The following AGBL1 variants were observed in gnomAD, a reference collection of about 807,000 sequenced individuals.
AGBL1 encodes cytosolic carboxypeptidase 4.
A neutral mutation model predicts 118.9 loss-of-function variants in AGBL1; 130 were observed. The ratio of observed to expected loss-of-function variants is 1.09; its 90% CI spans 0.95 to 1.26. AGBL1 has a LOEUF of 1.26. AGBL1 is among the 50% of genes most tolerant of loss of function. The pLI is 0.00. For missense variants in AGBL1, 1,584 were observed against 1,298.1 expected, an observed-to-expected ratio of 1.22 and a Z score of -3.38; for synonymous variants, 555 against 478.9, an observed-to-expected ratio of 1.16 and a Z score of -2.08.
rs2080402754 is a variant in AGBL1 at position 86,915,106 on chromosome 15, T to A, written c.*7812T>A. 1 of 152,200 alleles carries A rather than the reference T, an allele frequency of 6.6e-6. No homozygotes were observed. Among genetic ancestry groups the A allele is most frequent in the African/African-American group, 2.4e-5 (1 of 41,442 alleles). 9.4% of individuals were successfully genotyped at this position (152,200 alleles called of 1,614,324 possible). A position where few individuals can be genotyped will look rare whatever the true frequency, so the allele number is the denominator to read the frequency against. On this transcript the variant is annotated 3_prime_UTR_variant, in exon 23 of 23. Transcript: ENST00000614907. ...TAAATAGATGAATCTGCAATGTTGTTGAGTGTGAATCTTAGCTTTGGTTGG... is the reference window on the plus strand; with the variant it reads ...TAAATAGATGAATCTGCAATGTTGTAGAGTGTGAATCTTAGCTTTGGTTGG...
At chr15:86,738,810 G>A (rs1253044383) in intron 22 of AGBL1, among the ~76,000 whole-genome samples, 3 of 152,002 alleles carry the variant, frequency 2.0e-5, no homozygotes, top group Admixed American at 2.0e-4. Flanking sequence ...TGTGGGGGAA[G>A]ATAATTTGAC....
intron 6 of AGBL1, among the ~76,000 whole-genome samples, chr15:86,236,133 C>T (rs1262892205): frequency 6.6e-6 from 1 of 152,036 alleles, no homozygotes; most frequent in Admixed American, 6.5e-5. Flanking sequence ...CAAATGAAAT[C>T]CTTTGCAGAG....
At position 86,872,932 on chromosome 15, in the gene AGBL1, G is replaced by A. The variant is rs553543561; in HGVS notation, c.3159-34155G>A. ...TCTCAAACATGCAAATGTTATACAC[G>A]TCATCTTGCTTCCCTCTACCTATTG... On this transcript the variant is annotated intron_variant, in intron 22 of 22. Transcript: ENST00000614907. Among the ~76,000 whole-genome samples, 20 of 152,126 alleles carry A rather than the reference G, an allele frequency of 1.3e-4. No homozygotes were observed. The South Asian group carries it at 3.9e-3, about 30-fold the overall frequency.
At chr15:86,968,388 A>G (rs1411260482) in intron 23 of AGBL1, among the ~76,000 whole-genome samples, 6 of 151,994 alleles carry the variant, frequency 3.9e-5, no homozygotes, top group Admixed American at 2.6e-4. Flanking sequence ...CTAAGCACAA[A>G]TATGGCTTCA....
intron 22 of AGBL1, among the ~76,000 whole-genome samples, chr15:86,877,999 G>C (rs987678509): frequency 3.3e-5 from 5 of 152,116 alleles, no homozygotes; most frequent in African/African-American, 1.2e-4. Context: ...TGATGTTGAG[G>C]AAAAACAAAG....
At chr15:86,846,196 T>G (rs566020879) in intron 22 of AGBL1, among the ~76,000 whole-genome samples, 1 of 152,328 alleles carries the variant, frequency 6.6e-6, no homozygotes, top group East Asian at 1.9e-4. Flanking sequence ...GTATGACATC[T>G]CAGCTAGAAA....
intron 17 of AGBL1, among the ~76,000 whole-genome samples, chr15:86,357,049 T>C (rs989092871): frequency 6.6e-6 from 1 of 152,236 alleles, no homozygotes; most frequent in Non-Finnish European, 1.5e-5. Context: ...GTAGAGCTTA[T>C]TCGTGAATGA....
At chr15:86,730,008 A>C (rs1309342943) in intron 22 of AGBL1, among the ~76,000 whole-genome samples, 1 of 152,100 alleles carries the variant, frequency 6.6e-6, no homozygotes, top group Non-Finnish European at 1.5e-5. Context: ...TTTGATTTGC[A>C]TTTCTCTAAT....
intron 1 of AGBL1, among the ~76,000 whole-genome samples, chr15:86,112,284 G>A (rs1897436060): frequency 6.6e-6 from 1 of 152,116 alleles, no homozygotes; most frequent in Admixed American, 6.5e-5. Flanking sequence ...TGATAGAAAG[G>A]CTGATAACGA....
chr15:86,776,823 T>C (rs1383800989), intron 22 of AGBL1, among the ~76,000 whole-genome samples: 7 of 151,220 alleles, frequency 4.6e-5, no homozygotes, highest in African/African-American at 1.7e-4. Flanking sequence ...AATTTGTTAA[T>C]AAAACAGGTT....
chr15:86,716,162 A>G (rs541847583), intron 22 of AGBL1, among the ~76,000 whole-genome samples: 1 of 151,888 alleles, frequency 6.6e-6, no homozygotes, highest in South Asian at 2.1e-4. Flanking sequence ...TGTGCTAGGG[A>G]TTTCTCCTCC....
intron 12 of AGBL1, 113 bp from the exon 13 acceptor site, chr15:86,266,877 G>A: frequency 1.1e-6 from 1 of 943,158 alleles, no homozygotes. Context: ...TCCAGCCTGG[G>A]CAACAGAGTG....
At chr15:86,921,742 G>A (rs145322649) in intron 23 of AGBL1, among the ~76,000 whole-genome samples, 174 of 152,252 alleles carry the variant, frequency 1.1e-3, no homozygotes, top group African/African-American at 4.1e-3. Flanking sequence ...TGTGGCCAAG[G>A]CTGTAATGTC....
chr15:86,443,904 GCAATAAA>G (rs1459630482), intron 18 of AGBL1, among the ~76,000 whole-genome samples: 3 of 152,048 alleles, frequency 2.0e-5, no homozygotes. Flanking sequence ...GACTAGTGCT[GCAATAAA>G]CATAAGGGTG....
At chr15:86,838,412 A>C (rs773144854) in intron 22 of AGBL1, among the ~76,000 whole-genome samples, 5 of 152,100 alleles carry the variant, frequency 3.3e-5, no homozygotes, top group Non-Finnish European at 7.4e-5. Context: ...AAGGCTGGAC[A>C]TTAGATTACA....
intron 22 of AGBL1, among the ~76,000 whole-genome samples, chr15:86,905,103 G>A (rs1039382151): frequency 6.6e-6 from 1 of 152,190 alleles, no homozygotes; most frequent in African/African-American, 2.4e-5. Flanking sequence ...AGCTGCATTT[G>A]GTTGTATGTT....
chr15:86,894,804 T>G (rs1167148604), intron 22 of AGBL1, among the ~76,000 whole-genome samples: 5 of 152,118 alleles, frequency 3.3e-5, no homozygotes, highest in Non-Finnish European at 7.4e-5. Context: ...TCAAACAAGT[T>G]AAAGAAGGGA....
At chr15:86,339,956 C>T (rs1734599482) in intron 17 of AGBL1, among the ~76,000 whole-genome samples, 1 of 150,618 alleles carries the variant, frequency 6.6e-6, no homozygotes, top group Admixed American at 6.6e-5. Context: ...CAGGGCGGGA[C>T]TCCATCTCAA....
intron 1 of AGBL1, among the ~76,000 whole-genome samples, chr15:86,136,249 G>T (rs1208691535): frequency 6.6e-6 from 1 of 152,224 alleles, no homozygotes; most frequent in Non-Finnish European, 1.5e-5. Context: ...GGGATAGTTT[G>T]TTACCCCCAC....
Sources: gnomAD v4.1 joint callset for allele counts (sites outside exome capture counted in the v4.1 genomes callset) on GRCh38, gnomAD v4.1.1 for gene constraint, MANE v1.5 for transcripts, NCBI Gene and HGNC (gene_info 2026-07-23, HGNC 2026-07-21) for gene names.